ARHGAP18: variants seen among roughly 807,000 people sequenced by gnomAD.
ARHGAP18 encodes the protein Rho GTPase activating protein 18, also known as rho GTPase-activating protein 18.
ARHGAP18 carries 67 observed loss-of-function variants against 86.2 expected under a neutral mutation model. The observed-to-expected ratio is 0.78, with a 90% CI of 0.64 to 0.95. The LOEUF is 0.95. ARHGAP18 is among the 40% of genes least tolerant of loss of function. The pLI is 0.00. For missense variants in ARHGAP18, 691 were observed against 780.4 expected (o/e 0.89, Z 1.37); for synonymous variants, 283 against 280.4 (o/e 1.01, Z -0.09).
At chr6:129,678,808 T>G (rs770739501) in intron 1 of ARHGAP18, among the ~76,000 whole-genome samples, 2 of 152,360 alleles carry the variant, frequency 1.3e-5, no homozygotes, top group Non-Finnish European at 2.9e-5. Flanking sequence ...TAAAAATTTC[T>G]AAGTGCTTAA....
chr6:129,665,913 C>T (rs1774027356), intron 1 of ARHGAP18, among the ~76,000 whole-genome samples: 2 of 152,210 alleles, frequency 1.3e-5, no homozygotes, highest in South Asian at 4.1e-4. Context: ...GAGGAAAGTG[C>T]TCAATGATGT....
chr6:129,585,791 C>T (rs943714021), intron 12 of ARHGAP18, among the ~76,000 whole-genome samples: 3 of 152,220 alleles, frequency 2.0e-5, no homozygotes, highest in Non-Finnish European at 2.9e-5. Context: ...ACATATTATG[C>T]TCAATTCAAT....
At chr6:129,583,196 C>T (rs1283235307) in intron 13 of ARHGAP18, among the ~76,000 whole-genome samples, 1 of 152,146 alleles carries the variant, frequency 6.6e-6, no homozygotes, top group Non-Finnish European at 1.5e-5. Flanking sequence ...CTGGATGTCC[C>T]TCTGTTTTTA....
chr6:129,591,692 G>C (rs1788518861), intron 12 of ARHGAP18, among the ~76,000 whole-genome samples: 1 of 152,078 alleles, frequency 6.6e-6, no homozygotes, highest in African/African-American at 2.4e-5. Flanking sequence ...ACCGGTAAAA[G>C]AGGTCTCTTT....
intron 1 of ARHGAP18, among the ~76,000 whole-genome samples, chr6:129,677,990 A>G (rs1383241357): frequency 6.6e-6 from 1 of 152,248 alleles, no homozygotes; most frequent in Non-Finnish European, 1.5e-5. Context: ...GAAAGGTAAA[A>G]AACAAAACTT....
chr6:129,618,083 A>G (rs1245761249), intron 6 of ARHGAP18, among the ~76,000 whole-genome samples: 3 of 145,242 alleles, frequency 2.1e-5, no homozygotes, highest in Non-Finnish European at 1.5e-5. Flanking sequence ...TGTTTATTTA[A>G]TGGGTAAAGC....
chr6:129,693,127 C>T (rs1033275471), intron 1 of ARHGAP18, among the ~76,000 whole-genome samples: 1 of 152,158 alleles, frequency 6.6e-6, no homozygotes, highest in Non-Finnish European at 1.5e-5. Context: ...TGTGAGAACT[C>T]CAAGCTGTTT....
At chr6:129,629,054 G>A (rs565780544) in intron 5 of ARHGAP18, among the ~76,000 whole-genome samples, 9 of 152,058 alleles carry the variant, frequency 5.9e-5, no homozygotes, top group East Asian at 3.9e-4. Flanking sequence ...CAACTTTTCC[G>A]TGGGTTCTAC....
intron 1 of ARHGAP18, among the ~76,000 whole-genome samples, chr6:129,644,407 G>T (rs1459953794): frequency 6.6e-6 from 1 of 152,074 alleles, no homozygotes; most frequent in African/African-American, 2.4e-5. Flanking sequence ...TTAAATTTCT[G>T]GTTCAGCAGC....
At chr6:129,708,091 G>T (rs572844249) in intron 1 of ARHGAP18, among the ~76,000 whole-genome samples, 1 of 152,106 alleles carries the variant, frequency 6.6e-6, no homozygotes, top group Non-Finnish European at 1.5e-5. Context: ...GCTAAACAGG[G>T]TATCTCCCAA....
At chr6:129,709,874 A>C (rs1350628917) in intron 1 of ARHGAP18, 150 bp downstream of exon 1, 1 of 635,114 alleles carries the variant, frequency 1.6e-6, no homozygotes. Flanking sequence ...AAAGTACATA[A>C]AAATCACGCC....
At chr6:129,598,954 G>GTGTGTC (rs1321459286) in intron 12 of ARHGAP18, 1 of 251,754 alleles carries the variant, frequency 4.0e-6, no homozygotes, top group East Asian at 8.7e-5. Flanking sequence ...GTGTGTGTGT[G>GTGTGTC]TGTGTGTTCA....
rs1562697029 is a variant in ARHGAP18, at chr6:129,625,357, T to TTATA, written c.786+3995_786+3996insTATA. 1.2e-4 allele frequency among the ~76,000 whole-genome samples: 8 copies of TTATA among 68,072 alleles called. 2 individuals carry two copies. In the East Asian group the frequency reaches 1.8e-3, roughly 16 times the overall value. 44.7% of individuals were successfully genotyped at this position (68,072 alleles called of 152,430 possible). On this transcript the variant is annotated intron_variant, in intron 5 of 14. Transcript: ENST00000368149. ...GATATATATTTATATGTAATATATA[T>TTATA]TATGTATATTTATATATATTATATA...
Position 129,638,454 on chromosome 6 carries a change from T to C in ARHGAP18, c.492A>G (p.Lys164=), listed in dbSNP as rs1157638779. 1 of 1,614,202 alleles carries C rather than the reference T, an allele frequency of 6.2e-7. No individual in the cohort carries two copies. The highest frequency in any genetic ancestry group is 1.3e-5 in the African/African-American group (1 of 75,052). Residue 164 remains lysine (K), a synonymous_variant, in exon 3 of 15, where the codon AAA becomes AAG. Transcript: ENST00000368149. ...TVSQTLRKKN[K]QYQIPDVRDI... ...CTCTGACGTCAGGAATCTGGTACTG[T>C]TTGTTTTTTTTCCTCAAGGTCTGGG...
intron 5 of ARHGAP18, 74 bp downstream of exon 5, chr6:129,629,279 G>T: frequency 8.0e-7 from 1 of 1,244,446 alleles, no homozygotes; most frequent in Non-Finnish European, 1.1e-6. Context: ...GTGCGTGTGT[G>T]TGTATGTATA....
intron 1 of ARHGAP18, among the ~76,000 whole-genome samples, chr6:129,655,315 C>T (rs1773803628): frequency 1.9e-5 from 1 of 52,070 alleles, no homozygotes; most frequent in Middle Eastern, 0.013. Context: ...GCAAAACTCT[C>T]TCAAAAAAAA....
intron 3 of ARHGAP18, among the ~76,000 whole-genome samples, chr6:129,637,893 T>G (rs182788820): frequency 1.3e-5 from 2 of 152,344 alleles, no homozygotes; most frequent in Non-Finnish European, 2.9e-5. Flanking sequence ...GTCTTTCTTT[T>G]AACACCACAA....
intron 5 of ARHGAP18, among the ~76,000 whole-genome samples, chr6:129,619,737 C>A (rs1000949118): frequency 6.6e-6 from 1 of 150,972 alleles, no homozygotes; most frequent in South Asian, 2.1e-4. Flanking sequence ...TTAGAACATG[C>A]CAGGTACCCT....
At chr6:129,610,086 T>A (rs1788946015) in intron 8 of ARHGAP18, among the ~76,000 whole-genome samples, 1 of 152,188 alleles carries the variant, frequency 6.6e-6, no homozygotes, top group Non-Finnish European at 1.5e-5. Flanking sequence ...TTCTCTTGGA[T>A]TTTCAAATTC....
Sources: gnomAD v4.1 joint callset for allele counts (sites outside exome capture counted in the v4.1 genomes callset) on GRCh38, gnomAD v4.1.1 for gene constraint, MANE v1.5 for transcripts, NCBI Gene and HGNC (gene_info 2026-07-23, HGNC 2026-07-21) for gene names.